Variants in NRXN3 observed in about 807,000 individuals in gnomAD.
NRXN3 encodes neurexin 3.
Under a neutral mutation model 137.6 loss-of-function variants are expected in NRXN3, and 32 were observed. That is an observed-to-expected ratio of 0.23 (90% confidence interval 0.18 to 0.31). The LOEUF is 0.31. Ranked by LOEUF, NRXN3 falls within the 10% of genes least tolerant of loss-of-function variation. The pLI is 1.00. For synonymous variants in NRXN3, 798 were observed against 784.5 expected, an observed-to-expected ratio of 1.02 and a Z score of -0.29; for missense variants, 1,574 against 2,062.5, an observed-to-expected ratio of 0.76 and a Z score of 4.59.
chr14:79,193,021 G>A (rs1016818451), intron 15 of NRXN3, among the ~76,000 whole-genome samples: 13 of 151,788 alleles, frequency 8.6e-5, no homozygotes, highest in Non-Finnish European at 1.2e-4. Context: ...TGCCTGCCTC[G>A]GCCTCCCAAA....
intron 15 of NRXN3, among the ~76,000 whole-genome samples, chr14:79,226,814 C>CTTTTTTTTTTTTTT (rs3035642): frequency 1.0e-5 from 1 of 98,480 alleles, no homozygotes; most frequent in Non-Finnish European, 2.0e-5. Context: ...TCCTTTTTTT[C>CTTTTTTTTTTTTTT]TTTTTTTTTT....
chr14:78,568,065 G>A (rs531772355), intron 4 of NRXN3, among the ~76,000 whole-genome samples: 1 of 152,160 alleles, frequency 6.6e-6, no homozygotes, highest in Non-Finnish European at 1.5e-5. Flanking sequence ...TTGAGGTATC[G>A]GGTAGAGGGG....
intron 4 of NRXN3, among the ~76,000 whole-genome samples, chr14:78,632,188 G>T (rs1050530294): frequency 6.6e-6 from 1 of 151,020 alleles, no homozygotes; most frequent in African/African-American, 2.4e-5. Context: ...TTTATATCGT[G>T]TAGTGAATAT....
chr14:79,060,993 G>A (rs967514770), intron 15 of NRXN3, among the ~76,000 whole-genome samples: 2 of 152,178 alleles, frequency 1.3e-5, no homozygotes, highest in Non-Finnish European at 2.9e-5. Context: ...CTCTGTACCA[G>A]TGTCTATCGT....
chr14:78,236,874 A>G (rs945172794), intron 1 of NRXN3, among the ~76,000 whole-genome samples: 2 of 152,084 alleles, frequency 1.3e-5, no homozygotes, highest in African/African-American at 4.8e-5. Context: ...CTACTTTTAT[A>G]TCTTTGAGAG....
chr14:79,460,720 C>A (rs1275908051), intron 15 of NRXN3, among the ~76,000 whole-genome samples: 1 of 152,166 alleles, frequency 6.6e-6, no homozygotes, highest in Admixed American at 6.5e-5. Flanking sequence ...AAATAGATTG[C>A]CCCACAGGGA....
chr14:78,472,963 C>G (rs2095306809), intron 4 of NRXN3, among the ~76,000 whole-genome samples: 1 of 133,010 alleles, frequency 7.5e-6, no homozygotes, highest in Non-Finnish European at 1.6e-5. Flanking sequence ...GATGATAATT[C>G]TCAGTGCTCA....
At chr14:78,347,024 C>A (rs1440270672) in intron 4 of NRXN3, among the ~76,000 whole-genome samples, 3 of 152,176 alleles carry the variant, frequency 2.0e-5, no homozygotes, top group Non-Finnish European at 4.4e-5. Context: ...CAGGCAATTA[C>A]AATTTGAATA....
chr14:79,601,191 C>T (rs866035603), intron 16 of NRXN3, among the ~76,000 whole-genome samples: 4 of 151,994 alleles, frequency 2.6e-5, no homozygotes, highest in East Asian at 1.9e-4. Context: ...CACAGGTACA[C>T]GCCACCACGC....
At chr14:79,754,505 TA>T (rs1023274675) in intron 19 of NRXN3, among the ~76,000 whole-genome samples, 2 of 188 alleles carry the variant, frequency 0.011, no homozygotes, top group Non-Finnish European at 0.015. Flanking sequence ...TCTCTCTTGA[TA>T]TATATATATA....
Position 78,760,960 on chromosome 14 carries a change from C to T in NRXN3, c.2045-42660C>T, listed in dbSNP as rs117362058. Among the ~76,000 whole-genome samples the T allele has an allele frequency of 7.2e-4, 110 of 152,130 alleles. 1 individual carries two copies. In the East Asian group the frequency reaches 0.016, roughly 22 times the overall value. ...CTTTGGCTTTTCAAGGTAGTAATTA[C>T]CAAACAGAGTAGTATAGATCACCGT... On this transcript the variant is annotated intron_variant, in intron 8 of 20. Coordinates refer to ENST00000335750, the MANE Select transcript of NRXN3 (RefSeq NM_001330195.2).
intron 15 of NRXN3, among the ~76,000 whole-genome samples, chr14:79,300,564 G>A (rs1045752430): frequency 6.6e-6 from 1 of 152,058 alleles, no homozygotes; most frequent in Non-Finnish European, 1.5e-5. Flanking sequence ...TGATATCTCT[G>A]TGCTTTGTGA....
At chr14:78,626,677 A>G (rs564968569) in intron 4 of NRXN3, among the ~76,000 whole-genome samples, 6 of 152,326 alleles carry the variant, frequency 3.9e-5, no homozygotes, top group South Asian at 4.1e-4. Context: ...TAGTGATGAC[A>G]TAAAGGAATG....
At chr14:79,672,102 C>G (rs2098610732) in intron 17 of NRXN3, among the ~76,000 whole-genome samples, 1 of 151,998 alleles carries the variant, frequency 6.6e-6, no homozygotes, top group Non-Finnish European at 1.5e-5. Flanking sequence ...ACAGGGCATG[C>G]TTTTGGTCTA....
At chr14:79,390,081 G>C (rs973082566) in intron 15 of NRXN3, among the ~76,000 whole-genome samples, 1 of 152,072 alleles carries the variant, frequency 6.6e-6, no homozygotes, top group African/African-American at 2.4e-5. Flanking sequence ...GCTTTGGGAG[G>C]CCGAGGCTGG....
At chr14:78,617,206 G>A (rs1370022877) in intron 4 of NRXN3, among the ~76,000 whole-genome samples, 1 of 152,116 alleles carries the variant, frequency 6.6e-6, no homozygotes, top group East Asian at 1.9e-4. Flanking sequence ...GCAGCTAACT[G>A]CAGAAAACCA....
chr14:78,538,585 T>C (rs1353671614), intron 4 of NRXN3, among the ~76,000 whole-genome samples: 2 of 152,190 alleles, frequency 1.3e-5, no homozygotes, highest in Admixed American at 1.3e-4. Flanking sequence ...TTCCTCATTG[T>C]GTAATTGAAT....
intron 15 of NRXN3, among the ~76,000 whole-genome samples, chr14:79,033,098 T>C (rs2099610537): frequency 6.6e-6 from 1 of 152,120 alleles, no homozygotes; most frequent in African/African-American, 2.4e-5. Flanking sequence ...CTGTTCCCTT[T>C]GTCCCCATCA....
At chr14:78,449,819 A>G (rs2094508084) in intron 4 of NRXN3, among the ~76,000 whole-genome samples, 1 of 152,266 alleles carries the variant, frequency 6.6e-6, no homozygotes, top group Non-Finnish European at 1.5e-5. Flanking sequence ...CTCAAAAGGA[A>G]GATATGACTT....
Sources: gnomAD v4.1 joint callset for allele counts (sites outside exome capture counted in the v4.1 genomes callset) on GRCh38, gnomAD v4.1.1 for gene constraint, MANE v1.5 for transcripts, NCBI Gene and HGNC (gene_info 2026-07-23, HGNC 2026-07-21) for gene names.